The following MCF2L2 variants were observed in gnomAD, a reference collection of about 807,000 sequenced individuals.
MCF2L2 encodes MCF.2 cell line derived transforming sequence-like 2.
A neutral mutation model predicts 150.2 loss-of-function variants in MCF2L2; 102 were observed. The observed-to-expected ratio is 0.68, with a 90% CI of 0.58 to 0.80. The LOEUF is 0.80. Among genes scored for constraint, MCF2L2 ranks in the 30% least tolerant of loss-of-function variants. The pLI is 0.00. For synonymous variants in MCF2L2, 465 were observed against 491.3 expected, an observed-to-expected ratio of 0.95 and a Z score of 0.71; for missense variants, 1,256 against 1,372.8, an observed-to-expected ratio of 0.91 and a Z score of 1.34.
At chr3:183,240,002 G>A (rs1424015467) in intron 15 of MCF2L2, among the ~76,000 whole-genome samples, 1 of 152,186 alleles carries the variant, frequency 6.6e-6, no homozygotes, top group Admixed American at 6.5e-5. Flanking sequence ...CACAGGTGTT[G>A]TTTCAAACTC....
chr3:183,206,159 A>G lies in MCF2L2; in HGVS notation c.2768T>C (p.Ile923Thr), dbSNP rs761634270. 4.3e-6 allele frequency: 7 copies of G among 1,614,216 alleles called. No individual in the cohort carries two copies. Among genetic ancestry groups the G allele is most frequent in the Admixed American group, 1.7e-5 (1 of 60,024 alleles). The change falls in exon 24 of 30, where the codon ATT becomes ACT. Residue 923 changes from isoleucine to threonine, a missense_variant. Ile to Thr is a moderately conservative substitution (Grantham distance 89). Transcript: ENST00000328913. Reference sequence around the variant, plus strand: ...TTTCTCAAGTCCATTTCGACTGGCAATCTCAAACTTTCTATGGCTCCCCCT... The same window carrying G: ...TTTCTCAAGTCCATTTCGACTGGCAGTCTCAAACTTTCTATGGCTCCCCCT... ...LGRGSHRKFE[I>T]ASRNGLEKYI...
intron 27 of MCF2L2, among the ~76,000 whole-genome samples, chr3:183,183,934 A>ACC (rs1553879255): frequency 3.3e-5 from 5 of 151,988 alleles, no homozygotes; most frequent in African/African-American, 1.2e-4. Flanking sequence ...ACACACACAC[A>ACC]CCCCTCAGAA....
At chr3:183,329,272 C>T (rs763282980) in intron 5 of MCF2L2, among the ~76,000 whole-genome samples, 1 of 152,200 alleles carries the variant, frequency 6.6e-6, no homozygotes, top group Non-Finnish European at 1.5e-5. Flanking sequence ...TCTCGGCTCA[C>T]TGCAACCTCT....
chr3:183,355,613 A>ATTTTTT (rs71185653), intron 3 of MCF2L2, among the ~76,000 whole-genome samples: 1,364 of 84,132 alleles, frequency 0.016, 11 homozygotes, highest in African/African-American at 0.028. Context: ...CGCCCAGCTA[A>ATTTTTT]TTTTTTTTTT....
At chr3:183,315,690 G>A (rs549174447) in intron 7 of MCF2L2, among the ~76,000 whole-genome samples, 1 of 152,284 alleles carries the variant, frequency 6.6e-6, no homozygotes, top group South Asian at 2.1e-4. Context: ...CATCCTGGAA[G>A]CTGGTTCTTT....
intron 3 of MCF2L2, among the ~76,000 whole-genome samples, chr3:183,371,577 C>T (rs1321170770): frequency 6.6e-6 from 1 of 151,646 alleles, no homozygotes; most frequent in Non-Finnish European, 1.5e-5. Flanking sequence ...AAGCAATTCC[C>T]CTGTCTCAGC....
In MCF2L2 at chr3:183,405,884, T is replaced by A. The variant is rs4859183; in HGVS notation, c.77-16105A>T. 4.7e-3 allele frequency among the ~76,000 whole-genome samples: 713 copies of A among 152,208 alleles called. 4 individuals carry two copies. The highest frequency in any genetic ancestry group is 7.0e-3 in the Non-Finnish European group (475 of 67,994). On this transcript the variant is annotated intron_variant, in intron 1 of 29. Transcript: ENST00000328913. ...GCGCAAGCCACCATGCCCAGCTAAT[T>A]TTTGTATTTTTAGCAGAGACAGGGT...
chr3:183,356,906 T>C (rs189962630), intron 3 of MCF2L2, among the ~76,000 whole-genome samples: 68 of 152,286 alleles, frequency 4.5e-4, no homozygotes, highest in African/African-American at 1.6e-3. Context: ...AAAACAAGAA[T>C]ACACTCTTAT....
chr3:183,402,287 CA>C (rs966978156), intron 1 of MCF2L2, among the ~76,000 whole-genome samples: 18 of 61,298 alleles, frequency 2.9e-4, no homozygotes, highest in East Asian at 1.7e-3. Context: ...ACTAAAAATG[CA>C]AAAAAAAATT....
In MCF2L2 at chr3:183,227,202, G is replaced by A. The variant is rs1223805837; in HGVS notation, c.2115+1095C>T. On this transcript the variant is annotated intron_variant, in intron 18 of 29. Coordinates refer to ENST00000328913, the MANE Select transcript of MCF2L2 (RefSeq NM_015078.4). This position sits in a 1 kb window ranked among gnomAD's most constrained non-coding sequence, Gnocchi z 4.0. ...ATGAGAACTATTTAGAAGGCACAGG[G>A]GGTCAGGATCATCTCCATGGTCGTG... is the stretch of plus-strand genomic sequence containing the variant. 2 of 152,152 alleles carry A rather than the reference G, an allele frequency of 1.3e-5. No individual in the cohort carries two copies. The highest frequency in any genetic ancestry group is 2.9e-5 in the Non-Finnish European group (2 of 68,034). 9.4% of individuals were successfully genotyped at this position (152,152 alleles called of 1,614,324 possible).
chr3:183,355,852 C>T (rs992698196), intron 3 of MCF2L2, among the ~76,000 whole-genome samples: 1 of 151,884 alleles, frequency 6.6e-6, no homozygotes, highest in Admixed American at 6.6e-5. Flanking sequence ...GGGGTGATGC[C>T]CCAGATTCTG....
Position 183,428,029 on chromosome 3 carries a change from C to A in MCF2L2, c.-52G>T, listed in dbSNP as rs1434466175. 7.2e-7 allele frequency: 1 copy of A among 1,384,280 alleles called. No individual in the cohort carries two copies. The allele number at this position is 1,384,280 out of a possible 1,614,324, so 85.7% of individuals were successfully genotyped here. A position where few individuals can be genotyped will look rare whatever the true frequency, so the allele number is the denominator to read the frequency against. ...TAAAGCCAAACAAAACTGTTTCTAC[C>A]GCTGCGGTGGATGATTTTTTAAAGG... On this transcript the variant is annotated 5_prime_UTR_variant, in exon 1 of 30. Transcript: ENST00000328913. This position sits in a 1 kb window ranked among gnomAD's most constrained non-coding sequence, Gnocchi z 5.1.
At chr3:183,352,149 A>G (rs1711520182) in intron 3 of MCF2L2, among the ~76,000 whole-genome samples, 1 of 152,050 alleles carries the variant, frequency 6.6e-6, no homozygotes, top group African/African-American at 2.4e-5. Context: ...ATCTTTTGCT[A>G]TTTTCTTCAA....
At chr3:183,339,772 T>C (rs1247992259) in intron 4 of MCF2L2, among the ~76,000 whole-genome samples, 3 of 152,130 alleles carry the variant, frequency 2.0e-5, no homozygotes, top group Non-Finnish European at 4.4e-5. Flanking sequence ...ATTTTTTTTT[T>C]CTAAATCAGG....
At chr3:183,234,707 T>TA (rs1553885346) in intron 15 of MCF2L2, among the ~76,000 whole-genome samples, 6 of 113,904 alleles carry the variant, frequency 5.3e-5, no homozygotes, top group African/African-American at 1.5e-4. Flanking sequence ...TTTTTTTTTT[T>TA]TTATTATACT....
intron 15 of MCF2L2, among the ~76,000 whole-genome samples, chr3:183,245,990 G>A (rs1382883145): frequency 2.6e-5 from 4 of 152,174 alleles, no homozygotes. Context: ...TTTGGAAGAA[G>A]ATGGGATATA....
At chr3:183,405,261 T>A (rs766938109) in intron 1 of MCF2L2, among the ~76,000 whole-genome samples, 93 of 152,368 alleles carry the variant, frequency 6.1e-4, no homozygotes, top group Non-Finnish European at 1.1e-3. Context: ...TTCTTTCTTG[T>A]ACTTTTCTGT....
In MCF2L2 at chr3:183,340,063, A is replaced by C. The variant is rs535384771; in HGVS notation, c.367-1144T>G. Among the ~76,000 whole-genome samples, 3 of 152,352 alleles carry C rather than the reference A, an allele frequency of 2.0e-5. 1 individual carries two copies. The highest frequency in any genetic ancestry group is 2.0e-4 in the Admixed American group (3 of 15,308). On this transcript the variant is annotated intron_variant, in intron 4 of 29. Coordinates refer to ENST00000328913, the MANE Select transcript of MCF2L2 (RefSeq NM_015078.4). Reference sequence around the variant, plus strand: ...TCAATCATGGCTGCAGTTATCCCAAAGATAAATCCTATATCCACAACTAAA... The same window carrying C: ...TCAATCATGGCTGCAGTTATCCCAACGATAAATCCTATATCCACAACTAAA...
rs761108710 is a variant in MCF2L2 at position 183,229,644 on chromosome 3, G to A, written c.2045+22C>T. On this transcript the variant is annotated intron_variant, in intron 17 of 29. Coordinates refer to ENST00000328913, the MANE Select transcript of MCF2L2 (RefSeq NM_015078.4). ...CCTTCTCTTACTCTCCATTCTTTCT[G>A]ATAACATGAATTATTATATACCTGT... The A allele has an allele frequency of 2.7e-6, 3 of 1,095,000 alleles. No homozygotes were observed. The South Asian group carries it at 4.1e-5, about 15-fold the overall frequency. 67.8% of individuals were successfully genotyped at this position (1,095,000 alleles called of 1,614,324 possible).
Sources: gnomAD v4.1 joint callset for allele counts (sites outside exome capture counted in the v4.1 genomes callset) on GRCh38, gnomAD v4.1.1 for gene constraint, Gnocchi (gnomAD v3.1) non-coding constraint, MANE v1.5 for transcripts, NCBI Gene and HGNC (gene_info 2026-07-23, HGNC 2026-07-21) for gene names.